Variants in CA13 observed in about 807,000 individuals in gnomAD.
CA13 encodes the protein carbonic anhydrase 13, also known as CA-XIII.
In CA13, 21 loss-of-function variants were observed where a neutral mutation model predicts 31.5. The observed-to-expected ratio is 0.67, with a 90% CI of 0.47 to 0.96. The LOEUF (loss-of-function observed/expected upper bound fraction) is 0.96, where lower values mean the gene tolerates loss of function less well. Ranked by LOEUF, CA13 falls within the 40% of genes least tolerant of loss-of-function variation. CA13 has a pLI of 0.00. For synonymous variants in CA13, 117 were observed against 111.4 expected (o/e 1.05, Z -0.32); for missense variants, 315 against 318.9 (o/e 0.99, Z 0.09).
chr8:85,276,818 G>A (rs1807618186), intron 6 of CA13, among the ~76,000 whole-genome samples: 1 of 151,910 alleles, frequency 6.6e-6, no homozygotes, highest in South Asian at 2.1e-4. Context: ...TAGCTACTCT[G>A]GTGGGGACTT....
At chr8:85,248,163 T>G (rs935500557) in intron 1 of CA13, among the ~76,000 whole-genome samples, 3 of 152,090 alleles carry the variant, frequency 2.0e-5, no homozygotes, top group African/African-American at 7.2e-5. Context: ...TATCTCTAAT[T>G]AAGAATTATG....
chr8:85,273,469 A>C (rs1807554723), intron 6 of CA13, among the ~76,000 whole-genome samples: 1 of 151,988 alleles, frequency 6.6e-6, no homozygotes, highest in South Asian at 2.1e-4. Context: ...CTGTAATCCC[A>C]CTGAAAGATT....
At chr8:85,246,796 C>T (rs1813740491) in intron 1 of CA13, among the ~76,000 whole-genome samples, 1 of 151,918 alleles carries the variant, frequency 6.6e-6, no homozygotes, top group African/African-American at 2.4e-5. Context: ...GCATATATTT[C>T]AAAACATCAT....
intron 6 of CA13, among the ~76,000 whole-genome samples, chr8:85,278,881 C>T (rs1456438561): frequency 6.6e-6 from 1 of 152,176 alleles, no homozygotes; most frequent in East Asian, 1.9e-4. Flanking sequence ...TCAGCTACCC[C>T]TCAAGTTTCT....
intron 1 of CA13, among the ~76,000 whole-genome samples, chr8:85,246,071 G>A (rs1229609207): frequency 3.3e-5 from 5 of 152,218 alleles, no homozygotes; most frequent in East Asian, 1.9e-4. Context: ...GGTGGTGGAT[G>A]TGAGCGTTGG....
chr8:85,263,427 A>G (rs1209027876), intron 3 of CA13, among the ~76,000 whole-genome samples: 3 of 152,162 alleles, frequency 2.0e-5, no homozygotes, highest in Non-Finnish European at 4.4e-5. Flanking sequence ...CAAATGTTGA[A>G]GTAGGGAGAA....
intron 3 of CA13, among the ~76,000 whole-genome samples, chr8:85,261,489 C>G (rs983837947): frequency 6.6e-6 from 1 of 151,960 alleles, no homozygotes; most frequent in Non-Finnish European, 1.5e-5. Flanking sequence ...TGCGATGGTG[C>G]GATCTTGGCT....
chr8:85,256,630 C>A (rs1197191094), intron 2 of CA13, among the ~76,000 whole-genome samples: 2 of 152,070 alleles, frequency 1.3e-5, no homozygotes. Context: ...GGTGTATAAT[C>A]CCCCCAGGAG....
intron 3 of CA13, among the ~76,000 whole-genome samples, chr8:85,265,661 G>C (rs1203222334): frequency 1.3e-5 from 2 of 151,958 alleles, no homozygotes; most frequent in Non-Finnish European, 2.9e-5. Flanking sequence ...CATATTCATA[G>C]AACGTGGTAA....
At chr8:85,249,100 G>C (rs928947292) in intron 1 of CA13, among the ~76,000 whole-genome samples, 1 of 152,182 alleles carries the variant, frequency 6.6e-6, no homozygotes, top group African/African-American at 2.4e-5. Flanking sequence ...TGAGTGTATA[G>C]TTATATATTT....
At chr8:85,257,594 T>C (rs1807317798) in intron 2 of CA13, among the ~76,000 whole-genome samples, 1 of 151,502 alleles carries the variant, frequency 6.6e-6, no homozygotes. Context: ...CGTAGCTGTG[T>C]GCGCCCGTAG....
rs1188889770 is a variant in CA13, at chr8:85,268,647, T to C, written c.669+20T>C. On this transcript the variant is annotated intron_variant, in intron 6 of 6. Transcript: ENST00000321764. ...CAACAGGTACATAATCTCTTCCAGG[T>C]TGATACTGATTCCCTCAGAGGAAAC... 6.3e-7 allele frequency: 1 copy of C among 1,594,392 alleles called. No individual in the cohort carries two copies. Among genetic ancestry groups the C allele is most frequent in the Non-Finnish European group, 8.5e-7 (1 of 1,170,170 alleles).
Position 85,245,616 on chromosome 8 carries a change from G to T in CA13, c.-213G>T, listed in dbSNP as rs1813708461. The T allele has an allele frequency of 1.7e-6, 1 of 591,014 alleles. No individual in the cohort carries two copies. The highest frequency in any genetic ancestry group is 1.9e-5 in the African/African-American group (1 of 51,616). The allele number at this position is 591,014 out of a possible 1,614,324, so 36.6% of individuals were successfully genotyped here. A position where few individuals can be genotyped will look rare whatever the true frequency, so the allele number is the denominator to read the frequency against. Reference sequence around the variant, plus strand: ...CAAACTAAGAGAGACTCGCGCCCCAGGAGTCAGCCAGCGGCGCGGGCGCCT... The same window carrying T: ...CAAACTAAGAGAGACTCGCGCCCCATGAGTCAGCCAGCGGCGCGGGCGCCT... On this transcript the variant is annotated 5_prime_UTR_variant, in exon 1 of 7. In the 5' UTR this introduces an upstream ATG that the reference lacks. Transcript: ENST00000321764.
At chr8:85,250,593 T>C in intron 1 of CA13, 147 bp from the exon 2 acceptor site, 2 of 566,166 alleles carry the variant, frequency 3.5e-6, no homozygotes, top group Non-Finnish European at 6.2e-6. Flanking sequence ...AAAAAAACAA[T>C]TAGATGCCAA....
In CA13 at chr8:85,281,413, CA is replaced by C. The variant is rs1388960968; in HGVS notation, c.*68del. ...AGAGACAACAAAACAAAACAAAGCA[CA>C]AAAGTCTCTGCCAACAACTCTTTTG... On this transcript the variant is annotated 3_prime_UTR_variant, in exon 7 of 7. Coordinates refer to ENST00000321764, the MANE Select transcript of CA13 (RefSeq NM_198584.3). The C allele has an allele frequency of 2.6e-6, 4 of 1,565,410 alleles. No individual in the cohort carries two copies. The East Asian group carries it at 9.1e-5, about 36-fold the overall frequency.
chr8:85,280,899 T>C (rs1322709523), intron 6 of CA13, among the ~76,000 whole-genome samples: 3 of 152,214 alleles, frequency 2.0e-5, no homozygotes, highest in African/African-American at 7.2e-5. Context: ...AATGTATGTA[T>C]GTATGTGTGT....
chr8:85,246,528 C>T (rs1379190437), intron 1 of CA13: 2 of 456,038 alleles, frequency 4.4e-6, no homozygotes, highest in Admixed American at 2.3e-5. Flanking sequence ...TCTCCACGCT[C>T]ATCCTTGCAG....
chr8:85,262,219 C>A (rs1388862750), intron 3 of CA13, among the ~76,000 whole-genome samples: 1 of 74,650 alleles, frequency 1.3e-5, no homozygotes, highest in South Asian at 4.0e-4. Context: ...AGTAAGAATT[C>A]ATTGAGAATC....
At chr8:85,277,864 C>T (rs6993316) in intron 6 of CA13, among the ~76,000 whole-genome samples, 93,926 of 151,958 alleles carry the variant, frequency 0.62, 29,541 homozygotes, top group Non-Finnish European at 0.65. Context: ...GGGTATGTGT[C>T]TCCCAGCCAG....
Sources: gnomAD v4.1 joint callset for allele counts (sites outside exome capture counted in the v4.1 genomes callset) on GRCh38, gnomAD v4.1.1 for gene constraint, MANE v1.5 for transcripts, NCBI Gene and HGNC (gene_info 2026-07-23, HGNC 2026-07-21) for gene names.